MALRD1: variants seen among roughly 807,000 people sequenced by gnomAD.
The protein encoded by MALRD1 is MAM and LDL receptor class A domain containing 1.
In MALRD1, 247 loss-of-function variants were observed where a neutral mutation model predicts 242.1. The observed-to-expected ratio is 1.02, with a 90% CI of 0.92 to 1.13. The LOEUF (loss-of-function observed/expected upper bound fraction) is 1.13. Among genes scored for constraint, MALRD1 ranks in the 50% most tolerant of loss-of-function variants. MALRD1 has a pLI of 0.00. For synonymous variants in MALRD1, 995 were observed against 866.6 expected (o/e 1.15, Z -2.60); for missense variants, 2,989 against 2,533.1 (o/e 1.18, Z -3.86).
intron 29 of MALRD1, among the ~76,000 whole-genome samples, chr10:19,452,497 T>C (rs1480913534): frequency 6.6e-6 from 1 of 152,194 alleles, no homozygotes; most frequent in African/African-American, 2.4e-5. Flanking sequence ...TATAGTAAAT[T>C]ACACATTTAA....
At chr10:19,510,617 C>A (rs200434714) in intron 31 of MALRD1, among the ~76,000 whole-genome samples, 2 of 124,000 alleles carry the variant, frequency 1.6e-5, no homozygotes, top group African/African-American at 3.0e-5. Context: ...CATGTTTCTG[C>A]GAGCACAGGG....
chr10:19,400,731 A>G (rs1366523609), intron 28 of MALRD1, among the ~76,000 whole-genome samples: 1 of 152,128 alleles, frequency 6.6e-6, no homozygotes, highest in Non-Finnish European at 1.5e-5. Context: ...AATAGAAGAA[A>G]GAGGCCAGGT....
chr10:19,479,276 G>A (rs1052540615), intron 29 of MALRD1, among the ~76,000 whole-genome samples: 1 of 152,098 alleles, frequency 6.6e-6, no homozygotes, highest in African/African-American at 2.4e-5. Context: ...TTTCAATATC[G>A]TGTGCTATAA....
chr10:19,143,577 C>G (rs1040308176), intron 10 of MALRD1, among the ~76,000 whole-genome samples: 1 of 152,160 alleles, frequency 6.6e-6, no homozygotes, highest in African/African-American at 2.4e-5. Context: ...GGACAACAGG[C>G]ATGCATTGAG....
At chr10:19,436,696 A>G (rs139922396) in intron 28 of MALRD1, among the ~76,000 whole-genome samples, 1,636 of 152,116 alleles carry the variant, frequency 0.011, 14 homozygotes, top group Non-Finnish European at 0.018. Flanking sequence ...AGGTTTTTTC[A>G]TACATTTGTA....
rs1836063921 is a variant in MALRD1, at chr10:19,193,051, A to G, written c.1952-10677A>G. The stretch of plus-strand genomic sequence containing the variant: ...TTTTGTGCTCACAGGGATCCTTGAA[A>G]TATAGCTTTATATTCTTTTCAGTTT... On this transcript the variant is annotated intron_variant, in intron 14 of 39. Coordinates refer to ENST00000454679, the MANE Select transcript of MALRD1 (RefSeq NM_001142308.3). 4.6e-5 allele frequency among the ~76,000 whole-genome samples: 7 copies of G among 152,266 alleles called. 1 individual carries two copies. The South Asian group carries it at 1.5e-3, about 32-fold the overall frequency.
chr10:19,230,447 CA>C (rs1480434317), intron 18 of MALRD1, among the ~76,000 whole-genome samples: 1 of 152,100 alleles, frequency 6.6e-6, no homozygotes, highest in African/African-American at 2.4e-5. Context: ...CAGCATATCA[CA>C]TGGTGAGAGA....
rs1333332765 is a variant in MALRD1 at position 19,285,406 on chromosome 10, A to G, written c.3419+2225A>G. Among the ~76,000 whole-genome samples the G allele has an allele frequency of 2.7e-5, 4 of 148,988 alleles. No individual in the cohort carries two copies. In the South Asian group the frequency reaches 6.5e-4, roughly 24 times the overall value. ...TTTAGGTCTAACGTTTAAATCTTTA[A>G]TCCATCTTGAATTGATTTTTGTATA... On this transcript the variant is annotated intron_variant, in intron 21 of 39. Transcript: ENST00000454679.
chr10:19,192,400 G>A (rs1588677492), intron 14 of MALRD1, among the ~76,000 whole-genome samples: 1 of 152,134 alleles, frequency 6.6e-6, no homozygotes, highest in Non-Finnish European at 1.5e-5. Flanking sequence ...AATAAGAAGA[G>A]GGCTTGATAT....
At chr10:19,389,955 C>T (rs7911387) in intron 28 of MALRD1, among the ~76,000 whole-genome samples, 132,720 of 152,078 alleles carry the variant, frequency 0.87, 58,154 homozygotes, top group African/African-American at 0.92. Flanking sequence ...AGCCACCACA[C>T]CTGGCCCCTC....
Position 19,633,471 on chromosome 10 carries a change from G to T in MALRD1, c.6137+17548G>T, listed in dbSNP as rs191764434. On this transcript the variant is annotated intron_variant, in intron 36 of 39. Transcript: ENST00000454679. ...CCCATCATGTCAAAGCAGAGTGAGA[G>T]TAGCTGGAACATTGGAAACTCCACT... 2.0e-3 allele frequency among the ~76,000 whole-genome samples: 312 copies of T among 152,198 alleles called. 2 individuals carry two copies. Among genetic ancestry groups the T allele is most frequent in the African/African-American group, 6.2e-3 (256 of 41,520 alleles).
chr10:19,536,757 A>T (rs1834697807), intron 32 of MALRD1, among the ~76,000 whole-genome samples: 1 of 152,122 alleles, frequency 6.6e-6, no homozygotes, highest in South Asian at 2.1e-4. Context: ...CATTACATTA[A>T]CTTATTTCTG....
chr10:19,428,180 G>A (rs1833973854), intron 28 of MALRD1, among the ~76,000 whole-genome samples: 1 of 151,930 alleles, frequency 6.6e-6, no homozygotes, highest in Middle Eastern at 3.4e-3. Context: ...TTGGCAATTA[G>A]GAGATGGGTG....
At chr10:19,700,129 A>G (rs1047971270) in intron 38 of MALRD1, among the ~76,000 whole-genome samples, 9 of 152,020 alleles carry the variant, frequency 5.9e-5, no homozygotes, top group African/African-American at 2.2e-4. Flanking sequence ...TCAGAACTAC[A>G]TTAACCCACT....
intron 28 of MALRD1, among the ~76,000 whole-genome samples, chr10:19,410,107 A>T (rs1049927844): frequency 2.0e-5 from 3 of 152,174 alleles, no homozygotes; most frequent in African/African-American, 7.2e-5. Flanking sequence ...AAGCCATGTC[A>T]CGTAATTACT....
intron 34 of MALRD1, 78 bp from the exon 35 acceptor site, chr10:19,607,699 T>G (rs1838703375): frequency 1.3e-6 from 2 of 1,483,930 alleles, no homozygotes; most frequent in African/African-American, 1.4e-5. Flanking sequence ...CTGTTTTATG[T>G]TATTTTGTTG....
At chr10:19,588,536 A>G (rs1837568041) in intron 33 of MALRD1, among the ~76,000 whole-genome samples, 1 of 152,206 alleles carries the variant, frequency 6.6e-6, no homozygotes, top group Non-Finnish European at 1.5e-5. Flanking sequence ...CAATTTCCTG[A>G]CAAAGCACAA....
Position 19,607,801 on chromosome 10 carries a change from C to G in MALRD1, c.5969C>G (p.Ala1990Gly), listed in dbSNP as rs1183825300. Residue 1990 changes from alanine to glycine, a missense_variant, in exon 35 of 40, where the codon GCT becomes GGT. Coordinates refer to ENST00000454679, the MANE Select transcript of MALRD1 (RefSeq NM_001142308.3). ...ICSNKSCSNG[A>G]LVCASSNSCI... Reference sequence around the variant, plus strand: ...GCCAACAAAAGCTGTTCTAATGGAGCTCTGGTGTGTGCCTCCTCCAACAGC... The same window carrying G: ...GCCAACAAAAGCTGTTCTAATGGAGGTCTGGTGTGTGCCTCCTCCAACAGC... The G allele has an allele frequency of 1.3e-6, 2 of 1,549,280 alleles. No homozygotes were observed. The highest frequency in any genetic ancestry group is 8.7e-7 in the Non-Finnish European group (1 of 1,146,418).
intron 20 of MALRD1, among the ~76,000 whole-genome samples, 199 bp from the exon 21 acceptor site, chr10:19,282,809 ATATTTTTTCCT>A (rs1564527234): frequency 2.5e-5 from 3 of 119,082 alleles, no homozygotes; most frequent in Non-Finnish European, 3.9e-5. Flanking sequence ...ATTTTTTCCT[ATATTTTTTCCT>A]ATAAATATTT....
Sources: gnomAD v4.1 joint callset for allele counts (sites outside exome capture counted in the v4.1 genomes callset) on GRCh38, gnomAD v4.1.1 for gene constraint, MANE v1.5 for transcripts, NCBI Gene and HGNC (gene_info 2026-07-23, HGNC 2026-07-21) for gene names.